MAN2A1: variants seen among roughly 807,000 people sequenced by gnomAD.
MAN2A1 encodes the protein mannosidase alpha class 2A member 1.
In MAN2A1, 76 loss-of-function variants were observed where a neutral mutation model predicts 142.6. That is an observed-to-expected ratio of 0.53 (90% confidence interval 0.44 to 0.65). The LOEUF is 0.65. Among genes scored for constraint, MAN2A1 ranks in the 30% least tolerant of loss-of-function variants. MAN2A1 has a pLI of 0.00. For synonymous variants in MAN2A1, 559 were observed against 473.2 expected (o/e 1.18, Z -2.35); for missense variants, 1,311 against 1,365.1 (o/e 0.96, Z 0.62).
Position 109,738,951 on chromosome 5 carries a change from C to T in MAN2A1, c.707+9438C>T, listed in dbSNP as rs555802385. Reference sequence around the variant, plus strand: ...CTCAACCTCCTGGGCTCAGGTGATCCTCCCACTTCAGCTTTCCAGTAGCTG... The same window carrying T: ...CTCAACCTCCTGGGCTCAGGTGATCTTCCCACTTCAGCTTTCCAGTAGCTG... On this transcript the variant is annotated intron_variant, in intron 4 of 21. Coordinates refer to ENST00000261483, the MANE Select transcript of MAN2A1 (RefSeq NM_002372.4). 2.0e-5 allele frequency among the ~76,000 whole-genome samples: 3 copies of T among 152,148 alleles called. No homozygotes were observed. In the South Asian group the frequency reaches 6.2e-4, roughly 32 times the overall value.
At chr5:109,720,593 A>C (rs1163372091) in intron 3 of MAN2A1, among the ~76,000 whole-genome samples, 1 of 152,200 alleles carries the variant, frequency 6.6e-6, no homozygotes, top group African/African-American at 2.4e-5. Flanking sequence ...GGGGTGTCCA[A>C]TCTTTTGGCT....
chr5:109,766,835 T>A (rs1436667910), intron 5 of MAN2A1, among the ~76,000 whole-genome samples: 2 of 152,208 alleles, frequency 1.3e-5, no homozygotes, highest in African/African-American at 2.4e-5. Flanking sequence ...ACATTTATTA[T>A]CTTTTTCATT....
At chr5:109,844,404 T>A (rs1176175295) in intron 17 of MAN2A1, among the ~76,000 whole-genome samples, 1 of 152,138 alleles carries the variant, frequency 6.6e-6, no homozygotes. Context: ...TTACATTTTT[T>A]AAAATAAGTT....
chr5:109,722,538 C>T (rs1276328992), intron 3 of MAN2A1, among the ~76,000 whole-genome samples: 1 of 152,178 alleles, frequency 6.6e-6, no homozygotes, highest in Non-Finnish European at 1.5e-5. Flanking sequence ...CCTCAGCCAC[C>T]TGAGTAGCTG....
At position 109,820,300 on chromosome 5, in the gene MAN2A1, C is replaced by T. The variant is rs1754589467; in HGVS notation, c.2409C>T (p.Asp803=). ...FSWYGTTIKR[D]KSGAYLFLPD... The stretch of plus-strand genomic sequence containing the variant: ...GGTATGGAACCACAATTAAAAGAGA[C>T]AAAAGTGGTGCCTACCTCTTCTTAC... Residue 803 remains aspartate, a synonymous_variant, in exon 15 of 22, where the codon GAC becomes GAT. Coordinates refer to ENST00000261483, the MANE Select transcript of MAN2A1 (RefSeq NM_002372.4). 3 of 1,612,558 alleles carry T rather than the reference C, an allele frequency of 1.9e-6. No individual in the cohort carries two copies. The highest frequency in any genetic ancestry group is 2.5e-6 in the Non-Finnish European group (3 of 1,179,072).
chr5:109,754,636 C>T (rs576931633), intron 4 of MAN2A1, among the ~76,000 whole-genome samples: 33 of 152,258 alleles, frequency 2.2e-4, no homozygotes, highest in South Asian at 2.1e-3. Context: ...AGTGACAGCC[C>T]TCCAATAAAC....
At chr5:109,826,354 C>T (rs1040143777) in intron 16 of MAN2A1, among the ~76,000 whole-genome samples, 1 of 152,026 alleles carries the variant, frequency 6.6e-6, no homozygotes, top group Non-Finnish European at 1.5e-5. Context: ...CAGTAGTTGC[C>T]TGGATTAAAT....
intron 12 of MAN2A1, 131 bp from the exon 13 acceptor site, chr5:109,817,142 G>T: frequency 1.2e-6 from 1 of 832,316 alleles, no homozygotes; most frequent in East Asian, 2.8e-5. Flanking sequence ...CTCCAGCCTG[G>T]GTGACAGAGT....
rs1194307437 is a variant in MAN2A1 at position 109,784,780 on chromosome 5, A to G, written c.1614A>G (p.Gln538=). The change falls in exon 10 of 22, where the codon CAA becomes CAG. Residue 538 remains glutamine, a synonymous_variant. Transcript: ENST00000261483. ...TTCTTTACTATTTCGCCCTGAGACA[A>G]GCTCACAAATACAAGATAAATAAAT... ...AEILYYFALR[Q]AHKYKINKFL... 1.2e-6 allele frequency: 2 copies of G among 1,607,122 alleles called. No individual in the cohort carries two copies. The highest frequency in any genetic ancestry group is 8.5e-7 in the Non-Finnish European group (1 of 1,177,990).
intron 3 of MAN2A1, among the ~76,000 whole-genome samples, chr5:109,725,872 A>G (rs1751729486): frequency 6.6e-6 from 1 of 152,200 alleles, no homozygotes. Flanking sequence ...AATGTAGACA[A>G]TAGAGTTTCC....
At chr5:109,802,871 G>T (rs1431967983) in intron 12 of MAN2A1, among the ~76,000 whole-genome samples, 2 of 151,684 alleles carry the variant, frequency 1.3e-5, no homozygotes, top group African/African-American at 4.8e-5. Flanking sequence ...TTCTATTCTT[G>T]CATCTCCTAA....
At chr5:109,756,301 A>G (rs948065070) in intron 5 of MAN2A1, among the ~76,000 whole-genome samples, 13 of 152,230 alleles carry the variant, frequency 8.5e-5, no homozygotes, top group Non-Finnish European at 1.3e-4. Context: ...ACTTGGGACT[A>G]ATAGAAAACT....
At chr5:109,696,554 G>T (rs1401717882) in intron 1 of MAN2A1, among the ~76,000 whole-genome samples, 1 of 152,204 alleles carries the variant, frequency 6.6e-6, no homozygotes, top group Non-Finnish European at 1.5e-5. Context: ...TTGGGCCAGA[G>T]AATTCTTTCG....
chr5:109,742,750 A>T (rs144821940), intron 4 of MAN2A1, among the ~76,000 whole-genome samples: 1 of 152,302 alleles, frequency 6.6e-6, no homozygotes, highest in African/African-American at 2.4e-5. Context: ...GCAGATTTGG[A>T]TTGAGTTTAG....
At chr5:109,861,922 T>C (rs1755769242) in intron 20 of MAN2A1, among the ~76,000 whole-genome samples, 1 of 152,148 alleles carries the variant, frequency 6.6e-6, no homozygotes, top group Admixed American at 6.5e-5. Context: ...GCTATTTGAG[T>C]ATAAGAGAGA....
intron 12 of MAN2A1, among the ~76,000 whole-genome samples, chr5:109,809,596 A>G (rs1005607102): frequency 6.6e-6 from 1 of 151,992 alleles, no homozygotes; most frequent in African/African-American, 2.4e-5. Context: ...TTTCTTAATT[A>G]TTTTGATATG....
chr5:109,700,735 C>A (rs1385151205), intron 1 of MAN2A1, among the ~76,000 whole-genome samples: 1 of 152,056 alleles, frequency 6.6e-6, no homozygotes, highest in African/African-American at 2.4e-5. Flanking sequence ...GATAAGGGCA[C>A]CGAGTCACAC....
At position 109,733,003 on chromosome 5, in the gene MAN2A1, T is replaced by A. The variant is rs535253866; in HGVS notation, c.707+3490T>A. On this transcript the variant is annotated intron_variant, in intron 4 of 21. Coordinates refer to ENST00000261483, the MANE Select transcript of MAN2A1 (RefSeq NM_002372.4). ...ATTCTTTCTACCCATGAGCATGGAATGTTCTTCCATTTGTTTGTATCCTCT... is the reference window on the plus strand; with the variant it reads ...ATTCTTTCTACCCATGAGCATGGAAAGTTCTTCCATTTGTTTGTATCCTCT... Among the ~76,000 whole-genome samples, 23 of 151,626 alleles carry A rather than the reference T, an allele frequency of 1.5e-4. No individual in the cohort carries two copies. In the South Asian group the frequency reaches 4.6e-3, roughly 30 times the overall value.
At chr5:109,717,430 TTAG>T (rs1188329830) in intron 3 of MAN2A1, among the ~76,000 whole-genome samples, 1 of 152,164 alleles carries the variant, frequency 6.6e-6, no homozygotes. Context: ...AGTGCAATAT[TTAG>T]TGTGCACTGA....
Sources: allele counts gnomAD v4.1 joint callset (sites outside exome capture counted in the v4.1 genomes callset), GRCh38; gene constraint gnomAD v4.1.1; transcripts MANE v1.5; gene names NCBI Gene and HGNC (gene_info 2026-07-23, HGNC 2026-07-21).